TEK: variants seen among roughly 807,000 people sequenced by gnomAD.
TEK encodes the protein angiopoietin-1 receptor.
A neutral mutation model predicts 131.8 loss-of-function variants in TEK; 43 were observed. That is an observed-to-expected ratio of 0.33 (90% CI 0.26 to 0.42). The LOEUF is 0.42. Among genes scored for constraint, TEK ranks in the 10% least tolerant of loss-of-function variants. The pLI, the probability that TEK is intolerant of heterozygous loss-of-function variation, is 1.00. For synonymous variants in TEK, 580 were observed against 491.6 expected, an observed-to-expected ratio of 1.18 and a Z score of -2.38; for missense variants, 1,162 against 1,384.4, an observed-to-expected ratio of 0.84 and a Z score of 2.55.
At chr9:27,147,496 G>C (rs374840335) in intron 1 of TEK, among the ~76,000 whole-genome samples, 5 of 151,694 alleles carry the variant, frequency 3.3e-5, no homozygotes, top group African/African-American at 1.2e-4. Flanking sequence ...TGCCAGATAT[G>C]TGATTAGCAA....
intron 16 of TEK, among the ~76,000 whole-genome samples, 183 bp from the exon 17 acceptor site, chr9:27,212,524 C>T (rs184487153): frequency 7.9e-5 from 12 of 152,208 alleles, no homozygotes; most frequent in Admixed American, 2.6e-4. Context: ...AGCCTGGCCC[C>T]TTTTGAGTAT....
chr9:27,115,758 G>A (rs1391436649), intron 1 of TEK, among the ~76,000 whole-genome samples: 1 of 152,106 alleles, frequency 6.6e-6, no homozygotes, highest in Non-Finnish European at 1.5e-5. Flanking sequence ...GACATAGAGG[G>A]AGCAACCTAT....
intron 22 of TEK, 58 bp from the exon 23 acceptor site, chr9:27,229,100 C>A: frequency 6.6e-7 from 1 of 1,521,896 alleles, no homozygotes. Context: ...CTGTAACTGC[C>A]GCTGGCAGAG....
intron 16 of TEK, among the ~76,000 whole-genome samples, chr9:27,209,821 A>C (rs1205680307): frequency 6.6e-6 from 1 of 152,234 alleles, no homozygotes; most frequent in Non-Finnish European, 1.5e-5. Context: ...TATTAATTCA[A>C]ATGTTTATTG....
rs1341128230 is a variant in TEK at position 27,218,745 on chromosome 9, G to T, written c.3063-32G>T. On this transcript the variant is annotated intron_variant, in intron 19 of 22. Coordinates refer to ENST00000380036, the MANE Select transcript of TEK (RefSeq NM_000459.5). Reference sequence around the variant, plus strand: ...AAAATGAGCGGTGACTCTGTTTGCTGATTGTTGGTTTCACACTTGTCCCTC... The same window carrying T: ...AAAATGAGCGGTGACTCTGTTTGCTTATTGTTGGTTTCACACTTGTCCCTC... 2.5e-6 allele frequency: 4 copies of T among 1,613,662 alleles called. No homozygotes were observed. In the South Asian group the frequency reaches 4.4e-5, roughly 18 times the overall value.
intron 2 of TEK, among the ~76,000 whole-genome samples, chr9:27,158,681 G>GGT (rs2131121585): frequency 6.7e-6 from 1 of 149,578 alleles, no homozygotes; most frequent in Non-Finnish European, 1.5e-5. Context: ...TTTTTGGGGG[G>GGT]GTGGAGTCTC....
chr9:27,212,618 A>T (rs1035236901), intron 16 of TEK, 89 bp from the exon 17 acceptor site: 11 of 1,421,010 alleles, frequency 7.7e-6, no homozygotes, highest in Non-Finnish European at 9.9e-6. Flanking sequence ...GACAAAATGG[A>T]GTTTATAGGC....
intron 21 of TEK, 75 bp downstream of exon 21, chr9:27,220,220 CAA>C: frequency 7.1e-7 from 1 of 1,406,912 alleles, no homozygotes; most frequent in Non-Finnish European, 1.0e-6. Flanking sequence ...CTGACTCTAG[CAA>C]AGTCAGCCGG....
rs549222330 is a variant in TEK, at chr9:27,136,375, G to A, written c.53-21456G>A. ...GATTACAGGCGTGAGCCACTGCGCC[G>A]GTCCCTACTTACATTCTTGTAGTTA... On this transcript the variant is annotated intron_variant, in intron 1 of 22. Transcript: ENST00000380036. Among the ~76,000 whole-genome samples the A allele has an allele frequency of 4.6e-5, 7 of 152,036 alleles. No individual in the cohort carries two copies. The South Asian group carries it at 8.3e-4, about 18-fold the overall frequency.
intron 19 of TEK, among the ~76,000 whole-genome samples, chr9:27,218,434 C>T (rs539826392): frequency 6.6e-6 from 1 of 152,132 alleles, no homozygotes; most frequent in Admixed American, 6.5e-5. Flanking sequence ...AGAGGTTCAG[C>T]AACTGTTTCC....
chr9:27,176,929 A>G (rs1824192389), intron 6 of TEK, among the ~76,000 whole-genome samples: 1 of 152,182 alleles, frequency 6.6e-6, no homozygotes, highest in African/African-American at 2.4e-5. Context: ...TATAGAAGAG[A>G]TCTTACAGTA....
At chr9:27,147,775 A>G (rs1346917335) in intron 1 of TEK, among the ~76,000 whole-genome samples, 1 of 152,166 alleles carries the variant, frequency 6.6e-6, no homozygotes, top group Non-Finnish European at 1.5e-5. Context: ...GTTTTAGGTT[A>G]GGGCTCTTTT....
Position 27,217,717 on chromosome 9 carries a change from C to A in TEK, c.3021C>A (p.Ile1007=). ...MGRLPVRWMA[I]ESLNYSVYTT... ...GGCTCCCAGTGCGCTGGATGGCCAT[C>A]GAGTCACTGAATTACAGTGTGTACA... The change falls in exon 19 of 23, where the codon ATC becomes ATA. Residue 1007 remains isoleucine, a synonymous_variant. Coordinates refer to ENST00000380036, the MANE Select transcript of TEK (RefSeq NM_000459.5). 2 of 1,613,844 alleles carry A rather than the reference C, an allele frequency of 1.2e-6. No homozygotes were observed. Among genetic ancestry groups the A allele is most frequent in the Non-Finnish European group, 1.7e-6 (2 of 1,179,850 alleles).
At chr9:27,137,734 A>G (rs957936692) in intron 1 of TEK, among the ~76,000 whole-genome samples, 1 of 152,168 alleles carries the variant, frequency 6.6e-6, no homozygotes, top group African/African-American at 2.4e-5. Flanking sequence ...CCAGAGGCTC[A>G]CTATTGTGAA....
chr9:27,211,191 A>ATATGTGTATATATATGAATATATATG (rs1554701100), intron 16 of TEK, among the ~76,000 whole-genome samples: 14 of 143,334 alleles, frequency 9.8e-5, no homozygotes, highest in African/African-American at 3.4e-4. Flanking sequence ...ATATGAATAT[A>ATATGTGTATATATATGAATATATATG]TGTATATATA....
chr9:27,162,784 C>T (rs1263928620), intron 2 of TEK, among the ~76,000 whole-genome samples: 4 of 151,952 alleles, frequency 2.6e-5, no homozygotes, highest in Admixed American at 2.0e-4. Flanking sequence ...GGCGCGATCT[C>T]GGCTCACTGC....
chr9:27,170,817 T>A (rs566524343), intron 4 of TEK, among the ~76,000 whole-genome samples: 1 of 152,308 alleles, frequency 6.6e-6, no homozygotes, highest in Non-Finnish European at 1.5e-5. Context: ...ATATATTAGA[T>A]GTCTATCAGC....
At chr9:27,187,305 C>T (rs1264164145) in intron 9 of TEK, among the ~76,000 whole-genome samples, 1 of 152,186 alleles carries the variant, frequency 6.6e-6, no homozygotes, top group Non-Finnish European at 1.5e-5. Flanking sequence ...ATTTAATCAG[C>T]ATCTTTTATT....
rs754936316 is a variant in TEK, at chr9:27,185,462, T to G, written c.1183-23T>G. On this transcript the variant is annotated intron_variant, in intron 8 of 22. Coordinates refer to ENST00000380036, the MANE Select transcript of TEK (RefSeq NM_000459.5). ...TTTATGCCTCCCTAGAAGTTTTTAT[T>G]TTTTTGTATTTGACCTTTTCAGCCA... 10 of 1,613,372 alleles carry G rather than the reference T, an allele frequency of 6.2e-6. 1 individual carries two copies. Among genetic ancestry groups the G allele is most frequent in the Non-Finnish European group, 8.5e-6 (10 of 1,179,586 alleles).
Sources: allele counts gnomAD v4.1 joint callset (sites outside exome capture counted in the v4.1 genomes callset), GRCh38; gene constraint gnomAD v4.1.1; transcripts MANE v1.5; gene names NCBI Gene and HGNC (gene_info 2026-07-23, HGNC 2026-07-21).